SLCO6A1: variants seen among roughly 807,000 people sequenced by gnomAD.
SLCO6A1 encodes cancer/testis antigen 48.
Under a neutral mutation model 72.7 loss-of-function variants are expected in SLCO6A1, and 65 were observed. The observed-to-expected ratio is 0.89, with a 90% CI of 0.73 to 1.10. The LOEUF is 1.10. Among genes scored for constraint, SLCO6A1 ranks in the 50% least tolerant of loss-of-function variants. The pLI is 0.00. For synonymous variants in SLCO6A1, 314 were observed against 298.2 expected, an observed-to-expected ratio of 1.05 and a Z score of -0.55; for missense variants, 874 against 872.6, an observed-to-expected ratio of 1.00 and a Z score of -0.02.
At chr5:102,498,192 C>T (rs1279189901) in intron 1 of SLCO6A1, among the ~76,000 whole-genome samples, 1 of 150,446 alleles carries the variant, frequency 6.6e-6, no homozygotes, top group Non-Finnish European at 1.5e-5. Flanking sequence ...CTGATTTGAG[C>T]AATAAAAAAA....
intron 6 of SLCO6A1, among the ~76,000 whole-genome samples, chr5:102,450,957 G>A (rs1435204883): frequency 1.3e-5 from 2 of 152,148 alleles, no homozygotes; most frequent in African/African-American, 4.8e-5. Context: ...AAGGGCAGAG[G>A]GGCTGTGAGT....
At chr5:102,448,147 G>A (rs1375307698) in intron 6 of SLCO6A1, among the ~76,000 whole-genome samples, 1 of 152,122 alleles carries the variant, frequency 6.6e-6, no homozygotes, top group Admixed American at 6.5e-5. Flanking sequence ...TCACTCAGGA[G>A]CAGACTATTT....
chr5:102,388,795 A>G lies in SLCO6A1; in HGVS notation c.1910T>C (p.Met637Thr), dbSNP rs1052355373. 1 of 1,606,092 alleles carries G rather than the reference A, an allele frequency of 6.2e-7. No homozygotes were observed. Among genetic ancestry groups the G allele is most frequent in the Non-Finnish European group, 8.5e-7 (1 of 1,177,810 alleles). The stretch of plus-strand genomic sequence containing the variant: ...TAAAATACAAGAAGTTTCTCCTGAC[A>G]TTTTAAAGATTGATGGTCCAGGAAT... Reference protein sequence around the residue: ...GTIPGPSIFKMSGETSCILRD... With the variant: ...GTIPGPSIFKTSGETSCILRD... Residue 637 changes from methionine to threonine, a missense_variant, in exon 12 of 14, where the codon ATG becomes ACG. Met to Thr is a moderately conservative substitution (Grantham distance 81). Coordinates refer to ENST00000506729, the MANE Select transcript of SLCO6A1 (RefSeq NM_173488.5).
chr5:102,399,881 C>T, intron 9 of SLCO6A1, 139 bp from the exon 10 acceptor site: 1 of 544,704 alleles, frequency 1.8e-6, no homozygotes, highest in Non-Finnish European at 3.0e-6. Context: ...ATTAAGCCTG[C>T]TATGTATTAT....
rs191139840 is a variant in SLCO6A1 at position 102,448,654 on chromosome 5, G to A, written c.1131+9728C>T. Among the ~76,000 whole-genome samples the A allele has an allele frequency of 2.3e-3, 346 of 152,122 alleles. 1 individual carries two copies. Among genetic ancestry groups the A allele is most frequent in the African/African-American group, 8.0e-3 (334 of 41,492 alleles). ...CCTTTGTCCTTTTTGATTATTGTTG[G>A]TTTAAAGTTGGTTTCGTCTGAAATA... is the stretch of plus-strand genomic sequence containing the variant. On this transcript the variant is annotated intron_variant, in intron 6 of 13. Transcript: ENST00000506729.
intron 9 of SLCO6A1, among the ~76,000 whole-genome samples, chr5:102,406,604 A>C (rs184723088): frequency 2.6e-5 from 4 of 152,278 alleles, no homozygotes; most frequent in Non-Finnish European, 5.9e-5. Flanking sequence ...AAACAATATA[A>C]GTAGATTCAT....
At chr5:102,387,323 T>C (rs2112506351) in intron 12 of SLCO6A1, among the ~76,000 whole-genome samples, 1 of 152,316 alleles carries the variant, frequency 6.6e-6, no homozygotes, top group East Asian at 1.9e-4. Context: ...TATAATTATT[T>C]ATGTTTTTAA....
intron 6 of SLCO6A1, among the ~76,000 whole-genome samples, chr5:102,446,344 T>A (rs1419133982): frequency 6.6e-6 from 1 of 152,146 alleles, no homozygotes; most frequent in Non-Finnish European, 1.5e-5. Context: ...GTGAATGGGA[T>A]TGCATTCTTG....
At chr5:102,373,162 T>G (rs1391984276) in intron 13 of SLCO6A1, among the ~76,000 whole-genome samples, 175 bp downstream of exon 13, 4 of 151,904 alleles carry the variant, frequency 2.6e-5, no homozygotes, top group African/African-American at 9.7e-5. Context: ...AATGTGTATT[T>G]TATATTTTTA....
chr5:102,397,799 A>G (rs1438938165), intron 10 of SLCO6A1, among the ~76,000 whole-genome samples: 1 of 152,170 alleles, frequency 6.6e-6, no homozygotes, highest in African/African-American at 2.4e-5. Flanking sequence ...AAATTTTGGC[A>G]ACACTTATAT....
chr5:102,435,448 CCT>C (rs1271682339), intron 7 of SLCO6A1, among the ~76,000 whole-genome samples: 1 of 152,110 alleles, frequency 6.6e-6, no homozygotes, highest in Non-Finnish European at 1.5e-5. Flanking sequence ...CTCCCTGTTT[CCT>C]CTCACACGGT....
At chr5:102,394,227 T>C (rs1276998809) in intron 10 of SLCO6A1, among the ~76,000 whole-genome samples, 4 of 152,220 alleles carry the variant, frequency 2.6e-5, no homozygotes, top group East Asian at 1.9e-4. Flanking sequence ...TTGCAAATCA[T>C]TGAATGCTAT....
At chr5:102,452,969 A>G (rs1750505218) in intron 6 of SLCO6A1, among the ~76,000 whole-genome samples, 1 of 152,200 alleles carries the variant, frequency 6.6e-6, no homozygotes. Flanking sequence ...CTATAGAATT[A>G]ATAGAGAAAG....
At chr5:102,430,964 G>GAC (rs2112654078) in intron 7 of SLCO6A1, among the ~76,000 whole-genome samples, 1 of 151,962 alleles carries the variant, frequency 6.6e-6, no homozygotes, top group South Asian at 2.1e-4. Flanking sequence ...TGCTATTTCA[G>GAC]TTTTGGAGCT....
At chr5:102,481,230 CAT>C (rs1491202169) in intron 1 of SLCO6A1, among the ~76,000 whole-genome samples, 36 of 33,476 alleles carry the variant, frequency 1.1e-3, no homozygotes, top group Non-Finnish European at 9.1e-4. Flanking sequence ...GCAATCACTA[CAT>C]TTTTTTTTTG....
chr5:102,460,606 T>C (rs1329592894), intron 4 of SLCO6A1, among the ~76,000 whole-genome samples: 5 of 152,032 alleles, frequency 3.3e-5, no homozygotes, highest in South Asian at 4.1e-4. Flanking sequence ...ATAGACGCCA[T>C]TGTCTTCTAC....
At chr5:102,497,039 C>T (rs139910881) in intron 1 of SLCO6A1, among the ~76,000 whole-genome samples, 1 of 152,190 alleles carries the variant, frequency 6.6e-6, no homozygotes, top group African/African-American at 2.4e-5. Context: ...GGTCTTACAA[C>T]ATACAGCCTT....
chr5:102,379,972 GA>G (rs1302305002), intron 12 of SLCO6A1, among the ~76,000 whole-genome samples: 1 of 151,576 alleles, frequency 6.6e-6, no homozygotes, highest in African/African-American at 2.4e-5. Context: ...ATTGCTATTT[GA>G]TTTTTTGGTG....
chr5:102,473,115 C>T (rs1275091071), intron 4 of SLCO6A1, among the ~76,000 whole-genome samples: 1 of 151,940 alleles, frequency 6.6e-6, no homozygotes, highest in Non-Finnish European at 1.5e-5. Context: ...GGGAATACTT[C>T]AAATTCTTTC....
Sources: gnomAD v4.1 joint callset for allele counts (sites outside exome capture counted in the v4.1 genomes callset) on GRCh38, gnomAD v4.1.1 for gene constraint, MANE v1.5 for transcripts, NCBI Gene and HGNC (gene_info 2026-07-23, HGNC 2026-07-21) for gene names.